The following BTNL8 variants were observed in gnomAD, a reference collection of about 807,000 sequenced individuals.
BTNL8 encodes the protein butyrophilin like 8.
BTNL8 carries 22 observed loss-of-function variants against 36.1 expected under a neutral mutation model. The observed-to-expected ratio is 0.61, with a 90% CI of 0.44 to 0.87. The LOEUF (loss-of-function observed/expected upper bound fraction) is 0.87. Ranked by LOEUF, BTNL8 falls within the 40% of genes least tolerant of loss-of-function variation. The pLI is 0.00. For synonymous variants in BTNL8, 203 were observed against 235.6 expected, an observed-to-expected ratio of 0.86 and a Z score of 1.27; for missense variants, 526 against 616.9, an observed-to-expected ratio of 0.85 and a Z score of 1.56.
intron 2 of BTNL8, among the ~76,000 whole-genome samples, chr5:180,911,008 C>T (rs1350925288): frequency 6.6e-6 from 1 of 152,196 alleles, no homozygotes; most frequent in South Asian, 2.1e-4. Context: ...TACTTTAATT[C>T]GGGTCATCGT....
At chr5:180,928,654 C>CCTA (rs1758217946) in intron 3 of BTNL8, among the ~76,000 whole-genome samples, 1 of 151,896 alleles carries the variant, frequency 6.6e-6, no homozygotes, top group African/African-American at 2.4e-5. Flanking sequence ...AAAAAGCAGG[C>CCTA]GTTGCAATCC....
chr5:180,927,491 G>C (rs1255933397), intron 3 of BTNL8, among the ~76,000 whole-genome samples: 1 of 152,158 alleles, frequency 6.6e-6, no homozygotes, highest in African/African-American at 2.4e-5. Flanking sequence ...TTGATGAATT[G>C]ACAGAAGTAG....
intron 4 of BTNL8, chr5:180,947,947 T>A: frequency 1.2e-6 from 1 of 808,972 alleles, no homozygotes. Flanking sequence ...GGTGAACAAA[T>A]TCATAAAGGA....
chr5:180,899,694 G>A (rs976639369), intron 1 of BTNL8, among the ~76,000 whole-genome samples: 5 of 152,178 alleles, frequency 3.3e-5, no homozygotes, highest in African/African-American at 1.2e-4. Flanking sequence ...TCTGGGAAGA[G>A]ACACAGTTAG....
At chr5:180,944,731 A>G (rs1315585408) in intron 3 of BTNL8, among the ~76,000 whole-genome samples, 1 of 152,250 alleles carries the variant, frequency 6.6e-6, no homozygotes, top group Non-Finnish European at 1.5e-5. Flanking sequence ...TGATCATTAC[A>G]TATTGTACAC....
intron 3 of BTNL8, among the ~76,000 whole-genome samples, chr5:180,927,040 A>T (rs1198104533): frequency 6.6e-6 from 1 of 152,212 alleles, no homozygotes; most frequent in African/African-American, 2.4e-5. Context: ...GACACCTCCC[A>T]GCAGGGGTCG....
intron 3 of BTNL8, among the ~76,000 whole-genome samples, chr5:180,922,877 T>C (rs537962246): frequency 2.8e-4 from 42 of 152,142 alleles, no homozygotes; most frequent in Non-Finnish European, 5.6e-4. Context: ...GGTGCTTTTG[T>C]GTTGGGTGCA....
chr5:180,926,342 T>A (rs554629209), intron 3 of BTNL8, among the ~76,000 whole-genome samples: 1 of 152,304 alleles, frequency 6.6e-6, no homozygotes, highest in South Asian at 2.1e-4. Flanking sequence ...GACCAGAAGA[T>A]TCCCTTGGGT....
At chr5:180,911,637 G>A (rs755872032) in intron 3 of BTNL8, 23 bp downstream of exon 3, 2 of 1,585,556 alleles carry the variant, frequency 1.3e-6, no homozygotes, top group African/African-American at 1.3e-5. Flanking sequence ...GGGAGGAGAA[G>A]AGAAGGAGGG....
At chr5:180,901,112 A>G (rs573327762) in intron 1 of BTNL8, among the ~76,000 whole-genome samples, 1 of 152,376 alleles carries the variant, frequency 6.6e-6, no homozygotes, top group Admixed American at 6.5e-5. Context: ...GAAGCTGGTC[A>G]GACACCAGGC....
intron 3 of BTNL8, among the ~76,000 whole-genome samples, chr5:180,915,686 C>T (rs1001927167): frequency 6.6e-6 from 1 of 152,160 alleles, no homozygotes; most frequent in African/African-American, 2.4e-5. Flanking sequence ...TTAAAAGATT[C>T]ATTTACCATG....
At position 180,948,386 on chromosome 5, in the gene BTNL8, G is replaced by T. The variant is rs1402115412; in HGVS notation, c.808+11G>T. 6.7e-7 allele frequency: 1 copy of T among 1,488,762 alleles called. No homozygotes were observed. 92.2% of individuals were successfully genotyped at this position (1,488,762 alleles called of 1,614,324 possible). ...TCCAGGCGGAACTGGGTAAGTATGTGTCATGTCCTGAGCCTCCCACACATG... is the reference window on the plus strand; with the variant it reads ...TCCAGGCGGAACTGGGTAAGTATGTTTCATGTCCTGAGCCTCCCACACATG... On this transcript the variant is annotated intron_variant, in intron 5 of 7. Coordinates refer to ENST00000340184, the MANE Select transcript of BTNL8 (RefSeq NM_001040462.3).
intron 3 of BTNL8, among the ~76,000 whole-genome samples, chr5:180,926,581 T>C (rs1272435064): frequency 3.3e-5 from 5 of 152,138 alleles, no homozygotes; most frequent in African/African-American, 1.2e-4. Context: ...GGCTTGAAAT[T>C]CTCACTGGCA....
In BTNL8 at chr5:180,941,780, T is replaced by G. The variant is rs146940191; in HGVS notation, c.674-5732T>G. 7.7e-3 allele frequency among the ~76,000 whole-genome samples: 1,167 copies of G among 152,082 alleles called. 5 individuals are homozygous for G. Among genetic ancestry groups the G allele is most frequent in the Middle Eastern group, 0.014 (4 of 294 alleles). ...ATATAAACTCTCAACAGTTTAGATG[T>G]AGAAGAAATGTACCTCAACACAATC... On this transcript the variant is annotated intron_variant, in intron 3 of 7. Coordinates refer to ENST00000340184, the MANE Select transcript of BTNL8 (RefSeq NM_001040462.3).
chr5:180,949,681 C>T, intron 7 of BTNL8: 1 of 601,932 alleles, frequency 1.7e-6, no homozygotes, highest in South Asian at 2.0e-5. Context: ...GGGTGATATG[C>T]CGAGATTGGG....
At chr5:180,949,304 C>G in intron 7 of BTNL8, 39 bp downstream of exon 7, 3 of 1,461,344 alleles carry the variant, frequency 2.1e-6, no homozygotes, top group South Asian at 2.2e-5. Flanking sequence ...GACAGAATCT[C>G]AGGTGGACAT....
intron 1 of BTNL8, among the ~76,000 whole-genome samples, chr5:180,901,874 C>A (rs572470905): frequency 1.3e-5 from 2 of 152,122 alleles, no homozygotes; most frequent in Non-Finnish European, 2.9e-5. Context: ...CACACGTGAA[C>A]GTGCTAAAGA....
chr5:180,925,235 TAAGAAA>T (rs1331149898), intron 3 of BTNL8, among the ~76,000 whole-genome samples: 2 of 152,192 alleles, frequency 1.3e-5, no homozygotes, highest in African/African-American at 4.8e-5. Flanking sequence ...AAGGCATATT[TAAGAAA>T]ATAATGGCTG....
chr5:180,933,004 C>T (rs1168600761), intron 3 of BTNL8, among the ~76,000 whole-genome samples: 1 of 89,298 alleles, frequency 1.1e-5, no homozygotes, highest in Non-Finnish European at 2.1e-5. Flanking sequence ...CAAATAAAAA[C>T]CAAAAAAAAA....
Sources: allele counts gnomAD v4.1 joint callset (sites outside exome capture counted in the v4.1 genomes callset), GRCh38; gene constraint gnomAD v4.1.1; transcripts MANE v1.5; gene names NCBI Gene and HGNC (gene_info 2026-07-23, HGNC 2026-07-21).